FLNB: variants seen among roughly 807,000 people sequenced by gnomAD.
FLNB encodes filamin B.
In FLNB, 111 loss-of-function variants were observed where a neutral mutation model predicts 250.6. The ratio of observed to expected loss-of-function variants is 0.44; its 90% confidence interval spans 0.38 to 0.52. FLNB has a LOEUF of 0.52. FLNB is among the 20% of genes least tolerant of loss of function. The pLI is 0.00. For missense variants in FLNB, 2,869 were observed against 3,447.8 expected (o/e 0.83, Z 4.20); for synonymous variants, 1,302 against 1,372.1 (o/e 0.95, Z 1.13).
intron 4 of FLNB, among the ~76,000 whole-genome samples, chr3:58,086,818 A>T (rs1310534660): frequency 6.6e-6 from 1 of 152,208 alleles, no homozygotes; most frequent in Non-Finnish European, 1.5e-5. Flanking sequence ...ACTAATGGTT[A>T]AAAAAATTCA....
At chr3:58,072,168 C>G (rs1215370716) in intron 1 of FLNB, among the ~76,000 whole-genome samples, 1 of 152,150 alleles carries the variant, frequency 6.6e-6, no homozygotes, top group African/African-American at 2.4e-5. Flanking sequence ...TTAAGTAGTT[C>G]GAGAAAATGT....
At chr3:58,073,676 C>A (rs1306451733) in intron 1 of FLNB, among the ~76,000 whole-genome samples, 1 of 152,014 alleles carries the variant, frequency 6.6e-6, no homozygotes, top group Non-Finnish European at 1.5e-5. Flanking sequence ...GGCTTAAGAC[C>A]AGGTCCTCTG....
rs2097111778 is a variant in FLNB at position 58,020,211 on chromosome 3, CT to C, written c.292+11357del. On this transcript the variant is annotated intron_variant, in intron 1 of 45. Coordinates refer to ENST00000295956, the MANE Select transcript of FLNB (RefSeq NM_001457.4). Reference sequence around the variant, plus strand: ...CACCCACACCCTTTTCTTCTGCTACCTTGTTTAACTGGTGGGAGGGTGTGCT... The same window carrying C: ...CACCCACACCCTTTTCTTCTGCTACCTGTTTAACTGGTGGGAGGGTGTGCT... 2.0e-5 allele frequency among the ~76,000 whole-genome samples: 3 copies of C among 152,160 alleles called. No homozygotes were observed. The South Asian group carries it at 6.2e-4, about 32-fold the overall frequency.
rs760664072 is a variant in FLNB, at chr3:58,142,761, T to G, written c.5284+9T>G. On this transcript the variant is annotated intron_variant, in intron 31 of 45. Transcript: ENST00000295956. The surrounding 1 kb of genome is among the most constrained non-coding windows in gnomAD (Gnocchi z 4.3). ...GAAAGGAGAAATCACTGGTAAGCAC[T>G]TGCCATAAAGGCCGTCTCATTCTCA... 6.2e-7 allele frequency: 1 copy of G among 1,611,436 alleles called. No individual in the cohort carries two copies. Among genetic ancestry groups the G allele is most frequent in the East Asian group, 2.2e-5 (1 of 44,880 alleles).
intron 28 of FLNB, among the ~76,000 whole-genome samples, chr3:58,136,585 C>A (rs948011949): frequency 6.6e-6 from 1 of 152,066 alleles, no homozygotes; most frequent in African/African-American, 2.4e-5. Context: ...ATTAGAGAAA[C>A]ACATTTAAGG....
chr3:58,078,449 A>G, intron 2 of FLNB: 1 of 1,535,306 alleles, frequency 6.5e-7, no homozygotes, highest in Non-Finnish European at 8.7e-7. Flanking sequence ...TTATTTTTTA[A>G]CACCACTTCT....
chr3:58,077,027 CCTGTGCTTCT>C lies in FLNB; in HGVS notation c.293-16_293-7del. ...TGTGTAACCCAAAGGAATGACCAAG[CCTGTGCTTCT>C]CTCCCCAGATAGCAAAGCCATTGTG... On this transcript the variant is annotated splice_polypyrimidine_tract_variant and intron_variant, in intron 1 of 45. Coordinates refer to ENST00000295956, the MANE Select transcript of FLNB (RefSeq NM_001457.4). The C allele has an allele frequency of 6.2e-7, 1 of 1,613,962 alleles. No individual in the cohort carries two copies. The highest frequency in any genetic ancestry group is 8.5e-7 in the Non-Finnish European group (1 of 1,179,912).
chr3:58,153,002 T>G, intron 38 of FLNB: 1 of 353,070 alleles, frequency 2.8e-6, no homozygotes. Flanking sequence ...GACTTACATA[T>G]GTTCACCTTT....
At chr3:58,133,157 G>A (rs1456832633) in intron 26 of FLNB, among the ~76,000 whole-genome samples, 2 of 151,672 alleles carry the variant, frequency 1.3e-5, no homozygotes, top group Non-Finnish European at 2.9e-5. Flanking sequence ...CCATCAGTCC[G>A]TCTACCCATT....
In FLNB at chr3:58,046,435, A is replaced by G. The variant is rs1181249893; in HGVS notation, c.293-30611A>G. On this transcript the variant is annotated intron_variant, in intron 1 of 45. Coordinates refer to ENST00000295956, the MANE Select transcript of FLNB (RefSeq NM_001457.4). Reference sequence around the variant, plus strand: ...ATATTCACAGAATTATGCAACTATCATCACTATAATTTTAGAATTGTTTTT... The same window carrying G: ...ATATTCACAGAATTATGCAACTATCGTCACTATAATTTTAGAATTGTTTTT... 2.0e-5 allele frequency among the ~76,000 whole-genome samples: 3 copies of G among 151,228 alleles called. No homozygotes were observed. The East Asian group carries it at 5.8e-4, about 29-fold the overall frequency.
Position 58,138,142 on chromosome 3 carries a change from C to A in FLNB, c.4862-140C>A. The A allele has an allele frequency of 6.5e-6, 7 of 1,076,372 alleles. No homozygotes were observed. In the South Asian group the frequency reaches 7.8e-5, roughly 12 times the overall value. The allele number at this position is 1,076,372 out of a possible 1,614,324, so 66.7% of individuals were successfully genotyped here. On this transcript the variant is annotated intron_variant, in intron 28 of 45. Coordinates refer to ENST00000295956, the MANE Select transcript of FLNB (RefSeq NM_001457.4). Reference sequence around the variant, plus strand: ...TTTGAGCAACACCTGATCAGGGGATCTTTGGGATATCCCTCTGAATGGCAG... The same window carrying A: ...TTTGAGCAACACCTGATCAGGGGATATTTGGGATATCCCTCTGAATGGCAG...
rs148507053 is a variant in FLNB at position 58,098,766 on chromosome 3, C to T, written c.1203C>T (p.Thr401=). 131 of 1,614,070 alleles carry T rather than the reference C, an allele frequency of 8.1e-5. No homozygotes were observed. The African/African-American group carries it at 8.3e-4, about 10-fold the overall frequency. The part of the protein sequence containing the change: ...VEVEDPQGKN[T]VELLVEDKGN... ...TGGAAGATCCCCAGGGGAAGAACACCGTGGAGTTGCTCGTGGAAGACAAAG... is the reference window on the plus strand; with the variant it reads ...TGGAAGATCCCCAGGGGAAGAACACTGTGGAGTTGCTCGTGGAAGACAAAG... Residue 401 remains threonine, a synonymous_variant, in exon 8 of 46, where the codon ACC becomes ACT. Transcript: ENST00000295956.
Position 58,132,000 on chromosome 3 carries a change from G to T in FLNB, c.4391-808G>T, listed in dbSNP as rs932509908. 5 of 1,536,450 alleles carry T rather than the reference G, an allele frequency of 3.3e-6. No individual in the cohort carries two copies. In the Admixed American group the frequency reaches 5.9e-5, roughly 18 times the overall value. On this transcript the variant is annotated intron_variant, in intron 25 of 45. Transcript: ENST00000295956. ...CAGAGTTCTTTAAAGGTGACCCGAA[G>T]GGTGACTTTAATAAGACAGGTTTGC... is the stretch of plus-strand genomic sequence containing the variant.
In FLNB at chr3:58,109,290, G is replaced by A; in HGVS notation, c.2167G>A (p.Gly723Arg). ...CAAGCACACCATTGCTGTGGTCTGG[G>A]GAGGCGTGAACATCCCGCACAGCCC... ...AIKHTIAVVW[G>R]GVNIPHSPYR... Residue 723 changes from glycine to arginine, a missense_variant, in exon 14 of 46, where the codon GGA becomes AGA. Around this residue, in one of 5 missense-constraint regions of FLNB, gnomAD observed 1,348 missense variants for 1,466.7 expected, o/e 0.92. Coordinates refer to ENST00000295956, the MANE Select transcript of FLNB (RefSeq NM_001457.4). The A allele has an allele frequency of 6.2e-7, 1 of 1,614,168 alleles. No homozygotes were observed. Among genetic ancestry groups the A allele is most frequent in the South Asian group, 1.1e-5 (1 of 91,050 alleles).
At chr3:58,152,379 T>G (rs2097346528) in intron 38 of FLNB, among the ~76,000 whole-genome samples, 1 of 152,180 alleles carries the variant, frequency 6.6e-6, no homozygotes, top group African/African-American at 2.4e-5. Context: ...TTGTGGAGGC[T>G]GGAAGTCCAA....
chr3:58,100,364 T>TAAAAAAA (rs1553696183), intron 8 of FLNB, among the ~76,000 whole-genome samples: 2 of 25,524 alleles, frequency 7.8e-5, no homozygotes, highest in African/African-American at 7.7e-4. Flanking sequence ...TTTACATATG[T>TAAAAAAA]AAAAAAAAAA....
chr3:58,045,712 G>C (rs1346403415), intron 1 of FLNB, among the ~76,000 whole-genome samples: 2 of 152,124 alleles, frequency 1.3e-5, no homozygotes, highest in Non-Finnish European at 2.9e-5. Context: ...TAAAAGACTT[G>C]AGTTGGACCA....
chr3:58,146,824 T>C lies in FLNB; in HGVS notation c.5559T>C (p.Gly1853=). The C allele has an allele frequency of 6.2e-7, 1 of 1,614,174 alleles. No homozygotes were observed. The highest frequency in any genetic ancestry group is 8.5e-7 in the Non-Finnish European group (1 of 1,180,026). The change falls in exon 34 of 46, where the codon GGT becomes GGC. Residue 1853 remains glycine (G), a synonymous_variant. Transcript: ENST00000295956. Reference sequence around the variant, plus strand: ...CATCCCTGTTCCCACTTGTAGGTGGTCTGGACTTGGCTATTGAGGGCCCCT... The same window carrying C: ...CATCCCTGTTCCCACTTGTAGGTGGCCTGGACTTGGCTATTGAGGGCCCCT... ...TIVTEDAGEG[G]LDLAIEGPSK... is the part of the protein sequence containing the mutation.
At chr3:58,146,635 A>G in intron 33 of FLNB, 185 bp from the exon 34 acceptor site, 2 of 628,540 alleles carry the variant, frequency 3.2e-6, no homozygotes, top group Admixed American at 2.5e-5. Context: ...GTTTCTTCTC[A>G]GTGGGTGTTT....
Sources: gnomAD v4.1 joint callset for allele counts (sites outside exome capture counted in the v4.1 genomes callset) on GRCh38, gnomAD v4.1.1 for gene constraint, gnomAD v4.1.1 regional missense constraint, Gnocchi (gnomAD v3.1) non-coding constraint, MANE v1.5 for transcripts, NCBI Gene and HGNC (gene_info 2026-07-23, HGNC 2026-07-21) for gene names.